HGSNAT: variants seen among roughly 807,000 people sequenced by gnomAD.
HGSNAT encodes transmembrane protein 76.
HGSNAT carries 59 observed loss-of-function variants against 85.2 expected under a neutral mutation model. That is an observed-to-expected ratio of 0.69 (90% CI 0.56 to 0.86). The LOEUF is 0.86. Ranked by LOEUF, HGSNAT falls within the 40% of genes least tolerant of loss-of-function variation. The pLI is 0.00. For synonymous variants in HGSNAT, 321 were observed against 304.5 expected, an observed-to-expected ratio of 1.05 and a Z score of -0.56; for missense variants, 756 against 777.1, an observed-to-expected ratio of 0.97 and a Z score of 0.32.
In HGSNAT at chr8:43,202,412, T is replaced by A. The variant is rs1400694322; in HGVS notation, c.*2843T>A. ...AAGGCGACCCCCAGCACAAGATTGG[T>A]TTCCTTTGGGAAGGGAAGAGGGAGT... On this transcript the variant is annotated 3_prime_UTR_variant, in exon 18 of 18. Transcript: ENST00000379644. 1.3e-5 allele frequency: 2 copies of A among 152,172 alleles called. No homozygotes were observed. The highest frequency in any genetic ancestry group is 4.8e-5 in the African/African-American group (2 of 41,402). The allele number at this position is 152,172 out of a possible 1,614,324, so 9.4% of individuals were successfully genotyped here. A position where few individuals can be genotyped will look rare whatever the true frequency, so the allele number is the denominator to read the frequency against.
chr8:43,170,046 C>T (rs1803564044), intron 6 of HGSNAT, among the ~76,000 whole-genome samples: 1 of 151,934 alleles, frequency 6.6e-6, no homozygotes, highest in Non-Finnish European at 1.5e-5. Context: ...GTCTCAAACT[C>T]TTGGGCTCAA....
chr8:43,185,870 G>A (rs1479690848), intron 11 of HGSNAT, among the ~76,000 whole-genome samples: 3 of 152,242 alleles, frequency 2.0e-5, no homozygotes, highest in Non-Finnish European at 2.9e-5. Flanking sequence ...TTTGTCGAAG[G>A]CCTTTTCTGC....
intron 11 of HGSNAT, among the ~76,000 whole-genome samples, chr8:43,189,320 A>C (rs970527587): frequency 3.9e-5 from 6 of 152,156 alleles, no homozygotes; most frequent in Non-Finnish European, 8.8e-5. Context: ...TACCTTCTCA[A>C]GCCTCAGCAA....
chr8:43,172,237 ATG>A, intron 7 of HGSNAT, 71 bp from the exon 8 acceptor site: 4 of 995,626 alleles, frequency 4.0e-6, no homozygotes, highest in Non-Finnish European at 6.5e-6. Flanking sequence ...GTGAGTATAA[ATG>A]TGTCTTCAGT....
chr8:43,177,582 T>TA (rs1554533075), intron 9 of HGSNAT, among the ~76,000 whole-genome samples: 1 of 137,540 alleles, frequency 7.3e-6, no homozygotes, highest in Non-Finnish European at 1.6e-5. Context: ...AAAAAAAGAG[T>TA]AATTTAGTAA....
rs1271099707 is a variant in HGSNAT, at chr8:43,200,041, A to G, written c.*472A>G. The G allele has an allele frequency of 2.0e-5, 3 of 152,520 alleles. No homozygotes were observed. Among genetic ancestry groups the G allele is most frequent in the African/African-American group, 7.2e-5 (3 of 41,466 alleles). The allele number at this position is 152,520 out of a possible 1,614,324, so 9.4% of individuals were successfully genotyped here. A position where few individuals can be genotyped will look rare whatever the true frequency, so the allele number is the denominator to read the frequency against. ...TACTGGTTGTGATGTGTTATAATTTAGTCTGTTTTTTTGATTGAATGCAGT... is the reference window on the plus strand; with the variant it reads ...TACTGGTTGTGATGTGTTATAATTTGGTCTGTTTTTTTGATTGAATGCAGT... On this transcript the variant is annotated 3_prime_UTR_variant, in exon 18 of 18. Coordinates refer to ENST00000379644, the MANE Select transcript of HGSNAT (RefSeq NM_152419.3).
At chr8:43,194,811 C>T (rs897993661) in intron 14 of HGSNAT, among the ~76,000 whole-genome samples, 1 of 152,200 alleles carries the variant, frequency 6.6e-6, no homozygotes, top group Non-Finnish European at 1.5e-5. Context: ...GCCCCAGAGA[C>T]CTGCCTTGCC....
At chr8:43,199,043 G>A (rs781244247) in intron 17 of HGSNAT, among the ~76,000 whole-genome samples, 1 of 152,012 alleles carries the variant, frequency 6.6e-6, no homozygotes, top group African/African-American at 2.4e-5. Flanking sequence ...CTGGGATTAC[G>A]GGCACACCCC....
In HGSNAT at chr8:43,158,657, A is replaced by G. The variant is rs368082613; in HGVS notation, c.317A>G (p.Gln106Arg). The G allele has an allele frequency of 3.1e-5, 50 of 1,613,900 alleles. No individual in the cohort carries two copies. The highest frequency in any genetic ancestry group is 4.1e-5 in the Non-Finnish European group (48 of 1,179,874). ...GCTGCAGCTGCCTCTGTCAGCACCC[A>G]GCACGGATCTATCCTGCAGCTGAAC... ...PSAAAASVST[Q>R]HGSILQLNDT... is the part of the protein sequence containing the mutation. The change falls in exon 3 of 18, where the codon CAG (glutamine) becomes CGG (arginine). Residue 106 changes from glutamine (Q) to arginine (R), a missense_variant. Transcript: ENST00000379644.
At position 43,170,701 on chromosome 8, in the gene HGSNAT, G is replaced by T. The variant is rs750677179; in HGVS notation, c.743+7G>T. 10 of 1,574,170 alleles carry T rather than the reference G, an allele frequency of 6.4e-6. No individual in the cohort carries two copies. Among genetic ancestry groups the T allele is most frequent in the Non-Finnish European group, 3.5e-6 (4 of 1,156,240 alleles). Reference sequence around the variant, plus strand: ...GCGTGGACACCTTCAGGGGGTATGTGGGCCTCCCTGTAGCACAGTGGGTGC... The same window carrying T: ...GCGTGGACACCTTCAGGGGGTATGTTGGCCTCCCTGTAGCACAGTGGGTGC... On this transcript the variant is annotated splice_region_variant and intron_variant, in intron 7 of 17. Transcript: ENST00000379644.
At chr8:43,170,813 A>G (rs543203246) in intron 7 of HGSNAT, 119 bp downstream of exon 7, 1 of 647,984 alleles carries the variant, frequency 1.5e-6, no homozygotes, top group Non-Finnish European at 2.6e-6. Flanking sequence ...TAGGCTAGGA[A>G]GGATTTCTTG....
At chr8:43,159,345 T>C (rs549736390) in intron 4 of HGSNAT, among the ~76,000 whole-genome samples, 1 of 152,276 alleles carries the variant, frequency 6.6e-6, no homozygotes, top group South Asian at 2.1e-4. Context: ...CCCAGCACTT[T>C]GGGAGGCCAA....
intron 1 of HGSNAT, among the ~76,000 whole-genome samples, chr8:43,141,375 G>A (rs776238661): frequency 9.9e-5 from 15 of 152,098 alleles, no homozygotes; most frequent in Non-Finnish European, 4.4e-5. Context: ...TGTCCGGTGC[G>A]CTGGCTTAAG....
chr8:43,179,393 G>A (rs1250232945), intron 10 of HGSNAT, among the ~76,000 whole-genome samples: 96 of 122,140 alleles, frequency 7.9e-4, no homozygotes, highest in African/African-American at 2.9e-3. Context: ...CCTCCCGGAC[G>A]GGGCGGCTGG....
chr8:43,188,658 G>A (rs534518382), intron 11 of HGSNAT, among the ~76,000 whole-genome samples: 3 of 152,304 alleles, frequency 2.0e-5, no homozygotes, highest in African/African-American at 7.2e-5. Flanking sequence ...ACTCATCAAA[G>A]TCATTCTCCA....
intron 11 of HGSNAT, among the ~76,000 whole-genome samples, chr8:43,188,988 C>A (rs1019943598): frequency 6.6e-6 from 1 of 152,150 alleles, no homozygotes; most frequent in Non-Finnish European, 1.5e-5. Flanking sequence ...TGATCCTTCC[C>A]CTGGAAGCTT....
At chr8:43,196,895 A>C in intron 14 of HGSNAT, 53 bp from the exon 15 acceptor site, 1 of 1,106,712 alleles carries the variant, frequency 9.0e-7, no homozygotes. Context: ...TTAATATGAA[A>C]TAAAAATATC....
chr8:43,192,823 C>T (rs914725445), intron 13 of HGSNAT, among the ~76,000 whole-genome samples: 1 of 151,996 alleles, frequency 6.6e-6, no homozygotes, highest in African/African-American at 2.4e-5. Context: ...ATGATCATAG[C>T]ACAGTGCTTT....
At chr8:43,198,581 C>T (rs1010690520) in intron 17 of HGSNAT, among the ~76,000 whole-genome samples, 3 of 152,126 alleles carry the variant, frequency 2.0e-5, no homozygotes, top group Non-Finnish European at 4.4e-5. Context: ...GCCACCGTGC[C>T]CAGCCTCTGG....
Sources: allele counts gnomAD v4.1 joint callset (sites outside exome capture counted in the v4.1 genomes callset), GRCh38; gene constraint gnomAD v4.1.1; transcripts MANE v1.5; gene names NCBI Gene and HGNC (gene_info 2026-07-23, HGNC 2026-07-21).